Variants in SETDB1 observed in about 807,000 individuals in gnomAD.
The protein encoded by SETDB1 is SET domain bifurcated histone lysine methyltransferase 1, also known as histone-lysine N-methyltransferase SETDB1.
A neutral mutation model predicts 137.4 loss-of-function variants in SETDB1; 31 were observed. The ratio of observed to expected loss-of-function variants is 0.23; its 90% CI spans 0.17 to 0.30. The LOEUF is 0.30. SETDB1 is among the 10% of genes least tolerant of loss of function. SETDB1 has a pLI of 1.00. For synonymous variants in SETDB1, 548 were observed against 579.9 expected, an observed-to-expected ratio of 0.95 and a Z score of 0.79; for missense variants, 1,113 against 1,631.5, an observed-to-expected ratio of 0.68 and a Z score of 5.47.
intron 12 of SETDB1, among the ~76,000 whole-genome samples, chr1:150,949,988 C>A (rs907432384): frequency 6.6e-6 from 1 of 152,098 alleles, no homozygotes; most frequent in Non-Finnish European, 1.5e-5. Flanking sequence ...AATCCCAGCA[C>A]TTTGGGAGGC....
rs145885835 is a variant in SETDB1 at position 150,941,093 on chromosome 1, G to A, written c.448-236G>A. On this transcript the variant is annotated intron_variant, in intron 4 of 21. Coordinates refer to ENST00000692827, the MANE Select transcript of SETDB1 (RefSeq NM_001366418.1). ...CAGGAGAATCGCTTGAACCCAGGAA[G>A]TGGAGGTTATGGTGAGCCGAGATTG... 3.4e-4 allele frequency among the ~76,000 whole-genome samples: 52 copies of A among 152,132 alleles called. 1 individual carries two copies. In the East Asian group the frequency reaches 8.7e-3, roughly 25 times the overall value.
intron 1 of SETDB1, among the ~76,000 whole-genome samples, chr1:150,927,247 T>G (rs1669556476): frequency 6.6e-6 from 1 of 152,174 alleles, no homozygotes; most frequent in African/African-American, 2.4e-5. Flanking sequence ...CACTTCAGCC[T>G]CCTGAGTAGC....
Position 150,960,575 on chromosome 1 carries a change from C to G in SETDB1, c.2516C>G (p.Thr839Arg). ...FVCIYAGKIL[T>R]DDFADKEGLE... Reference sequence around the variant, plus strand: ...TCTTCATTCTCAGGCAAAATCCTGACAGATGACTTTGCAGACAAGGAGGGT... The same window carrying G: ...TCTTCATTCTCAGGCAAAATCCTGAGAGATGACTTTGCAGACAAGGAGGGT... Residue 839 changes from threonine to arginine, a missense_variant, in exon 16 of 22, where the codon ACA becomes AGA. Coordinates refer to ENST00000692827, the MANE Select transcript of SETDB1 (RefSeq NM_001366418.1). The G allele has an allele frequency of 6.2e-7, 1 of 1,611,560 alleles. No homozygotes were observed.
intron 16 of SETDB1, chr1:150,961,927 C>T (rs1670837103): frequency 3.0e-6 from 2 of 664,286 alleles, no homozygotes; most frequent in African/African-American, 1.8e-5. Flanking sequence ...AGCATTAAGC[C>T]CCATCACTGA....
intron 16 of SETDB1, 116 bp from the exon 17 acceptor site, chr1:150,962,014 T>G (rs1183219028): frequency 9.6e-6 from 12 of 1,255,618 alleles, no homozygotes; most frequent in Non-Finnish European, 1.4e-5. Context: ...CACCCCACTT[T>G]AGAATGTGTA....
At chr1:150,952,534 C>T (rs1005003176) in intron 14 of SETDB1, among the ~76,000 whole-genome samples, 2 of 151,988 alleles carry the variant, frequency 1.3e-5, no homozygotes, top group East Asian at 1.9e-4. Context: ...GATGGAAGAC[C>T]GAAGGAGTAG....
At chr1:150,951,617 T>TATTA in intron 14 of SETDB1, 136 bp downstream of exon 14, 1 of 551,962 alleles carries the variant, frequency 1.8e-6, no homozygotes, top group Non-Finnish European at 3.3e-6. Flanking sequence ...TTTTATTAAT[T>TATTA]AGATCTTATT....
chr1:150,954,761 A>G (rs1307140262), intron 14 of SETDB1, among the ~76,000 whole-genome samples: 1 of 152,258 alleles, frequency 6.6e-6, no homozygotes, highest in East Asian at 1.9e-4. Context: ...AACTCGGGCA[A>G]ACTATCAATT....
In SETDB1 at chr1:150,927,724, C is replaced by T. The variant is rs1388380037; in HGVS notation, c.10C>T (p.Leu4Phe). Residue 4 changes from leucine to phenylalanine, a missense_variant, in exon 2 of 22, where the codon CTT (leucine) becomes TTT (phenylalanine). Leu to Phe is a conservative substitution (Grantham distance 22, BLOSUM62 0). This residue lies in a region of SETDB1 where 32 missense variants were observed against 26.3 expected (regional missense o/e 1.22). Coordinates refer to ENST00000692827, the MANE Select transcript of SETDB1 (RefSeq NM_001366418.1). MSS[L>F]PGCIGLDAAT... ...TGCAGAGGACAAAAGCATGTCTTCC[C>T]TTCCTGGGTGCATTGGTTTGGATGC... The T allele has an allele frequency of 2.5e-6, 4 of 1,613,794 alleles. No individual in the cohort carries two copies. In the African/African-American group the frequency reaches 4.0e-5, roughly 16 times the overall value.
chr1:150,957,860 C>T (rs587642080), intron 14 of SETDB1, among the ~76,000 whole-genome samples: 48 of 152,208 alleles, frequency 3.2e-4, no homozygotes, highest in African/African-American at 1.1e-3. Context: ...TGAGCCACTG[C>T]GCCTGGCCCA....
chr1:150,940,103 G>A (rs1670086036), intron 4 of SETDB1, 129 bp downstream of exon 4: 1 of 589,232 alleles, frequency 1.7e-6, no homozygotes, highest in Non-Finnish European at 3.0e-6. Flanking sequence ...CCTTTGCGTT[G>A]CAGTCCTCTG....
At chr1:150,939,592 TGG>T (rs1670066717) in intron 3 of SETDB1, among the ~76,000 whole-genome samples, 3 of 152,122 alleles carry the variant, frequency 2.0e-5, no homozygotes, top group African/African-American at 7.2e-5. Flanking sequence ...TCCAAAGTGC[TGG>T]GATTACAGGC....
chr1:150,952,671 G>C (rs1243831128), intron 14 of SETDB1, among the ~76,000 whole-genome samples: 1 of 151,918 alleles, frequency 6.6e-6, no homozygotes, highest in Non-Finnish European at 1.5e-5. Context: ...CTGAGGTCGG[G>C]AGTTCAAGAC....
chr1:150,961,991 A>C, intron 16 of SETDB1, 139 bp from the exon 17 acceptor site: 2 of 934,088 alleles, frequency 2.1e-6, no homozygotes. Flanking sequence ...GTCAAGTTGC[A>C]GAGTGGTTTA....
chr1:150,938,775 A>AT (rs1670030975), intron 3 of SETDB1, among the ~76,000 whole-genome samples: 1 of 118,962 alleles, frequency 8.4e-6, no homozygotes. Flanking sequence ...AAGTGCTGGG[A>AT]TTATAGGCTT....
At chr1:150,954,000 G>C (rs1015973296) in intron 14 of SETDB1, among the ~76,000 whole-genome samples, 1 of 151,692 alleles carries the variant, frequency 6.6e-6, no homozygotes, top group African/African-American at 2.4e-5. Context: ...GACTACAGTC[G>C]CCCACCACCA....
Position 150,950,894 on chromosome 1 carries a change from T to C in SETDB1, c.2020T>C (p.Tyr674His). The change falls in exon 13 of 22, where the codon TAT becomes CAT. Residue 674 changes from tyrosine (Y) to histidine (H), a missense_variant. Physicochemically the swap from Tyr to His is moderately conservative, Grantham distance 83. Transcript: ENST00000692827. ...TCTTGTGGACCGAAAGTTTCAGCCC[T>C]ATAAGCCTTTTTACTATATTTTGGA... ...YVLVDRKFQP[Y>H]KPFYYILDIT... The C allele has an allele frequency of 6.2e-7, 1 of 1,614,162 alleles. No individual in the cohort carries two copies. The highest frequency in any genetic ancestry group is 8.5e-7 in the Non-Finnish European group (1 of 1,180,020).
At chr1:150,937,620 A>C (rs587744168) in intron 3 of SETDB1, among the ~76,000 whole-genome samples, 2 of 152,322 alleles carry the variant, frequency 1.3e-5, no homozygotes, top group Admixed American at 1.3e-4. Context: ...TGACAAGGAT[A>C]TGGAGGAATT....
chr1:150,942,619 A>T lies in SETDB1; in HGVS notation c.604A>T (p.Met202Leu). The T allele has an allele frequency of 1.2e-6, 2 of 1,614,054 alleles. No individual in the cohort carries two copies. The highest frequency in any genetic ancestry group is 1.7e-6 in the Non-Finnish European group (2 of 1,179,946). The change falls in exon 6 of 22, where the codon ATG (methionine) becomes TTG (leucine). Residue 202 changes from methionine to leucine, a missense_variant. Around this residue, in one of 11 missense-constraint regions of SETDB1, gnomAD observed 154 missense variants for 303.1 expected, o/e 0.51. Coordinates refer to ENST00000692827, the MANE Select transcript of SETDB1 (RefSeq NM_001366418.1). ...LSKDGDLIVS[M>L]RILGKKRTKT... is the part of the protein sequence containing the mutation. ...CAAAGATGGTGACCTGATAGTCAGC[A>T]TGCGAATTCTGGGCAAGAAGAGAAC...
Sources: gnomAD v4.1 joint callset for allele counts (sites outside exome capture counted in the v4.1 genomes callset) on GRCh38, gnomAD v4.1.1 for gene constraint, gnomAD v4.1.1 regional missense constraint, MANE v1.5 for transcripts, NCBI Gene and HGNC (gene_info 2026-07-23, HGNC 2026-07-21) for gene names.